GRIP1: variants seen among roughly 807,000 people sequenced by gnomAD.
GRIP1 encodes glutamate receptor-interacting protein 1.
Under a neutral mutation model 129.9 loss-of-function variants are expected in GRIP1, and 45 were observed. The ratio of observed to expected loss-of-function variants is 0.35; its 90% CI spans 0.27 to 0.44. The LOEUF (loss-of-function observed/expected upper bound fraction) is 0.44. Ranked by LOEUF, GRIP1 falls within the 20% of genes least tolerant of loss-of-function variation. The pLI, the probability that GRIP1 is intolerant of heterozygous loss-of-function variation, is 1.00. For missense variants in GRIP1, 1,196 were observed against 1,396.8 expected (o/e 0.86, Z 2.29); for synonymous variants, 530 against 520.8 (o/e 1.02, Z -0.24).
chr12:66,413,016 T>C (rs960117285), intron 15 of GRIP1, among the ~76,000 whole-genome samples: 4 of 152,116 alleles, frequency 2.6e-5, no homozygotes, highest in Non-Finnish European at 4.4e-5. Flanking sequence ...AGTGGGATAT[T>C]GTAACACCCC....
chr12:66,769,282 C>A (rs1310060870), intron 1 of GRIP1, among the ~76,000 whole-genome samples: 2 of 151,344 alleles, frequency 1.3e-5, no homozygotes, highest in Admixed American at 6.6e-5. Flanking sequence ...GGACCACTGC[C>A]ATCAGCATCC....
At chr12:66,721,389 C>T (rs1277698080) in intron 1 of GRIP1, among the ~76,000 whole-genome samples, 1 of 152,084 alleles carries the variant, frequency 6.6e-6, no homozygotes, top group East Asian at 1.9e-4. Flanking sequence ...ATTCTCATGC[C>T]TCAGCCTCCT....
intron 23 of GRIP1, among the ~76,000 whole-genome samples, chr12:66,367,724 C>A (rs947108727): frequency 6.6e-6 from 1 of 152,148 alleles, no homozygotes; most frequent in African/African-American, 2.4e-5. Flanking sequence ...GGGGTATACA[C>A]GTGTAGTGAA....
At chr12:67,015,162 C>G (rs2042767272) in intron 1 of GRIP1, among the ~76,000 whole-genome samples, 1 of 152,124 alleles carries the variant, frequency 6.6e-6, no homozygotes, top group African/African-American at 2.4e-5. Flanking sequence ...ATCAGAAATT[C>G]TAGGTAGAGT....
chr12:66,422,538 G>A (rs2057842019), intron 14 of GRIP1, among the ~76,000 whole-genome samples: 2 of 152,218 alleles, frequency 1.3e-5, no homozygotes, highest in South Asian at 4.2e-4. Flanking sequence ...TTTTTGCCAA[G>A]CTGTAGTAAC....
chr12:66,538,987 T>C, intron 4 of GRIP1, 91 bp downstream of exon 4: 2 of 1,052,616 alleles, frequency 1.9e-6, no homozygotes, highest in East Asian at 2.4e-5. Flanking sequence ...AAACCTGATA[T>C]ATATAGGGTT....
At chr12:66,455,280 A>G in intron 11 of GRIP1, 129 bp downstream of exon 11, 1 of 853,314 alleles carries the variant, frequency 1.2e-6, no homozygotes, top group Non-Finnish European at 2.0e-6. Context: ...CAGAGCTGTT[A>G]GCTGCTCAGC....
intron 1 of GRIP1, among the ~76,000 whole-genome samples, chr12:66,878,312 A>G (rs1430198330): frequency 6.6e-6 from 1 of 152,138 alleles, no homozygotes; most frequent in Non-Finnish European, 1.5e-5. Flanking sequence ...AAGAGGGAAG[A>G]AGACTTATTT....
chr12:66,588,559 C>A (rs928352692), intron 2 of GRIP1, among the ~76,000 whole-genome samples: 1 of 152,174 alleles, frequency 6.6e-6, no homozygotes, highest in African/African-American at 2.4e-5. Context: ...TCTTCACCAC[C>A]TTTTCCCTTC....
chr12:66,662,238 G>A (rs1261107792), intron 1 of GRIP1, among the ~76,000 whole-genome samples: 2 of 152,012 alleles, frequency 1.3e-5, no homozygotes, highest in African/African-American at 4.8e-5. Flanking sequence ...TATTAATCCT[G>A]ACTGCCCCCT....
chr12:66,394,449 G>C, intron 16 of GRIP1, 97 bp from the exon 17 acceptor site: 3 of 997,390 alleles, frequency 3.0e-6, no homozygotes, highest in Non-Finnish European at 4.7e-6. Flanking sequence ...AAACATCCTC[G>C]TCAAAGTATC....
At chr12:66,413,467 C>CA (rs1290775827) in intron 15 of GRIP1, among the ~76,000 whole-genome samples, 1 of 151,934 alleles carries the variant, frequency 6.6e-6, no homozygotes, top group Non-Finnish European at 1.5e-5. Context: ...GGCTACCAAC[C>CA]AAAAAAATCC....
At chr12:66,491,854 C>T (rs2060112610) in intron 7 of GRIP1, among the ~76,000 whole-genome samples, 1 of 152,198 alleles carries the variant, frequency 6.6e-6, no homozygotes, top group Non-Finnish European at 1.5e-5. Context: ...GTATATTACA[C>T]ATGGTGGCTG....
At chr12:67,049,330 A>G (rs750411044) in intron 1 of GRIP1, among the ~76,000 whole-genome samples, 9 of 152,186 alleles carry the variant, frequency 5.9e-5, no homozygotes, top group Admixed American at 5.2e-4. Flanking sequence ...CATCTTAGCT[A>G]TAAGACTTAG....
At chr12:66,872,204 GA>G (rs2040307770) in intron 1 of GRIP1, among the ~76,000 whole-genome samples, 1 of 152,036 alleles carries the variant, frequency 6.6e-6, no homozygotes, top group African/African-American at 2.4e-5. Flanking sequence ...TTGGAAGCAA[GA>G]AATCTAAGAA....
intron 1 of GRIP1, among the ~76,000 whole-genome samples, chr12:66,925,798 C>T (rs998390663): frequency 5.9e-5 from 9 of 152,156 alleles, no homozygotes; most frequent in Non-Finnish European, 8.8e-5. Context: ...GCATGCGCCA[C>T]CACACCTGGC....
rs919425857 is a variant in GRIP1 at position 66,614,577 on chromosome 12, C to T, written c.56-17650G>A. Among the ~76,000 whole-genome samples the T allele has an allele frequency of 2.0e-5, 3 of 152,212 alleles. No individual in the cohort carries two copies. The East Asian group carries it at 5.8e-4, about 29-fold the overall frequency. On this transcript the variant is annotated intron_variant, in intron 1 of 24. Transcript: ENST00000359742. ...CTCTTGCCTGCACCATTCGAGACAACCCCTGAAACTTATCTATCTACTATG... is the reference window on the plus strand; with the variant it reads ...CTCTTGCCTGCACCATTCGAGACAATCCCTGAAACTTATCTATCTACTATG...
At chr12:66,713,652 G>T (rs2035780890) in intron 1 of GRIP1, among the ~76,000 whole-genome samples, 1 of 152,028 alleles carries the variant, frequency 6.6e-6, no homozygotes. Context: ...CGACTCCAGT[G>T]CTACCTCTTC....
chr12:67,040,945 G>T (rs1321783898), intron 1 of GRIP1, among the ~76,000 whole-genome samples: 3 of 151,990 alleles, frequency 2.0e-5, no homozygotes, highest in South Asian at 2.1e-4. Context: ...CCCTGATGTG[G>T]GTGGGCCTCA....
Sources: gnomAD v4.1 joint callset for allele counts (sites outside exome capture counted in the v4.1 genomes callset) on GRCh38, gnomAD v4.1.1 for gene constraint, MANE v1.5 for transcripts, NCBI Gene and HGNC (gene_info 2026-07-23, HGNC 2026-07-21) for gene names.